Variants in CPXM2 observed in about 807,000 individuals in gnomAD.
CPXM2 encodes inactive carboxypeptidase-like protein X2.
In CPXM2, 66 loss-of-function variants were observed where a neutral mutation model predicts 86.1. That is an observed-to-expected ratio of 0.77 (90% CI 0.63 to 0.94). The LOEUF (loss-of-function observed/expected upper bound fraction) is 0.94. Among genes scored for constraint, CPXM2 ranks in the 40% least tolerant of loss-of-function variants. The pLI, the probability that CPXM2 is intolerant of heterozygous loss-of-function variation, is 0.00. For synonymous variants in CPXM2, 388 were observed against 400.2 expected (o/e 0.97, Z 0.36); for missense variants, 948 against 1,026.3 (o/e 0.92, Z 1.04).
intron 13 of CPXM2, among the ~76,000 whole-genome samples, chr10:123,749,709 A>G (rs1846033576): frequency 6.6e-6 from 1 of 152,110 alleles, no homozygotes; most frequent in South Asian, 2.1e-4. Context: ...TACTGTTCCC[A>G]CTGCTGTTCC....
intron 10 of CPXM2, among the ~76,000 whole-genome samples, chr10:123,765,221 A>T (rs1454956050): frequency 1.3e-5 from 2 of 152,238 alleles, no homozygotes; most frequent in African/African-American, 2.4e-5. Context: ...TAGAATTCTT[A>T]TACGTCCCTT....
chr10:123,894,713 T>C (rs1945320822), upstream of CPXM2, among the ~76,000 whole-genome samples: 1 of 152,192 alleles, frequency 6.6e-6, no homozygotes, highest in African/African-American at 2.4e-5. Flanking sequence ...TCCCTGGTCA[T>C]CTTGGCCCCA....
upstream of CPXM2, among the ~76,000 whole-genome samples, chr10:123,942,402 A>C (rs183952163): frequency 6.6e-6 from 1 of 152,324 alleles, no homozygotes; most frequent in Non-Finnish European, 1.5e-5. Context: ...AGACCCCGCT[A>C]ATGAAAACAG....
chr10:123,797,176 A>C (rs542215806), intron 6 of CPXM2, among the ~76,000 whole-genome samples: 1 of 152,264 alleles, frequency 6.6e-6, no homozygotes, highest in Non-Finnish European at 1.5e-5. Context: ...CAAGTGGAAT[A>C]CTACCTGAGT....
At chr10:123,830,747 CT>C (rs1416448093) in intron 4 of CPXM2, among the ~76,000 whole-genome samples, 1 of 150,444 alleles carries the variant, frequency 6.6e-6, no homozygotes, top group African/African-American at 2.5e-5. Context: ...CTGGGCTTGC[CT>C]TTTGCAGCTG....
intron 4 of CPXM2, among the ~76,000 whole-genome samples, chr10:123,800,107 T>A (rs1232162612): frequency 6.8e-6 from 1 of 147,692 alleles, no homozygotes; most frequent in East Asian, 2.1e-4. Flanking sequence ...CTGCTTGCCC[T>A]CAGGATTCAG....
At chr10:123,780,474 G>A (rs1564765576) in intron 6 of CPXM2, among the ~76,000 whole-genome samples, 1 of 152,156 alleles carries the variant, frequency 6.6e-6, no homozygotes, top group African/African-American at 2.4e-5. Context: ...TCAAATCTCC[G>A]CTCTTCTACT....
At chr10:123,765,894 T>A (rs1304095821) in intron 10 of CPXM2, among the ~76,000 whole-genome samples, 1 of 152,180 alleles carries the variant, frequency 6.6e-6, no homozygotes, top group East Asian at 1.9e-4. Flanking sequence ...CTCCCTTGAA[T>A]CCCCAGTAGA....
Position 123,754,956 on chromosome 10 carries a change from G to C in CPXM2, c.1918-194C>G, listed in dbSNP as rs1472208363. On this transcript the variant is annotated intron_variant, in intron 12 of 13. Coordinates refer to ENST00000241305, the MANE Select transcript of CPXM2 (RefSeq NM_198148.3). This position sits in a 1 kb window ranked among gnomAD's most constrained non-coding sequence, Gnocchi z 4.0. ...GCATTGTTGGGTTCAATTAACAAGG[G>C]CGAGGTCTTAATGTAAGAAAAGTGA... 6.6e-6 allele frequency among the ~76,000 whole-genome samples: 1 copy of C among 152,200 alleles called. No homozygotes were observed. Among genetic ancestry groups the C allele is most frequent in the African/African-American group, 2.4e-5 (1 of 41,446 alleles).
chr10:123,893,607 G>A (rs1373456103), upstream of CPXM2, among the ~76,000 whole-genome samples: 2 of 152,258 alleles, frequency 1.3e-5, no homozygotes, highest in East Asian at 3.9e-4. Context: ...CAGGGTGAGA[G>A]GGCAGGAGGG....
intron 2 of CPXM2, 66 bp downstream of exon 2, chr10:123,880,145 T>TGGGCCCCCCCCCCCCC: frequency 7.4e-6 from 3 of 407,574 alleles, no homozygotes; most frequent in Non-Finnish European, 1.4e-5. Flanking sequence ...CAGGGGCCTG[T>TGGGCCCCCCCCCCCCC]ACCCACCCAC....
intron 3 of CPXM2, among the ~76,000 whole-genome samples, chr10:123,856,485 G>T (rs968248391): frequency 2.6e-5 from 4 of 152,186 alleles, no homozygotes; most frequent in African/African-American, 9.7e-5. Flanking sequence ...TTTGGGGTGG[G>T]GCAGGTGATG....
At position 123,854,179 on chromosome 10, in the gene CPXM2, C is replaced by T. The variant is rs75244023; in HGVS notation, c.513+8435G>A. On this transcript the variant is annotated intron_variant, in intron 3 of 13. Transcript: ENST00000241305. The stretch of plus-strand genomic sequence containing the variant: ...GAAGCAGCTCTGACTGCTGAACGCA[C>T]ACACAGGCTCCGGGGGTGACTACTG... 4.1e-3 allele frequency among the ~76,000 whole-genome samples: 612 copies of T among 150,496 alleles called. 2 individuals carry two copies. The highest frequency in any genetic ancestry group is 0.014 in the African/African-American group (585 of 40,820).
At chr10:123,788,078 A>G (rs1847110167) in intron 6 of CPXM2, among the ~76,000 whole-genome samples, 1 of 151,714 alleles carries the variant, frequency 6.6e-6, no homozygotes, top group Non-Finnish European at 1.5e-5. Flanking sequence ...TAAGGAGTTC[A>G]AGACCAGCCT....
chr10:123,942,112 C>G (rs1481570821), upstream of CPXM2, among the ~76,000 whole-genome samples: 2 of 152,188 alleles, frequency 1.3e-5, no homozygotes, highest in Non-Finnish European at 2.9e-5. Context: ...GCAAATGGCT[C>G]TAGTCCACAG....
chr10:123,836,782 G>C (rs1251656756), intron 4 of CPXM2, among the ~76,000 whole-genome samples: 1 of 152,186 alleles, frequency 6.6e-6, no homozygotes, highest in Non-Finnish European at 1.5e-5. Flanking sequence ...CAGGGTATAG[G>C]AGAACTTCCT....
chr10:123,841,707 A>G (rs1471697231), intron 4 of CPXM2, among the ~76,000 whole-genome samples: 2 of 152,230 alleles, frequency 1.3e-5, no homozygotes, highest in East Asian at 3.8e-4. Context: ...AGGCTGAATA[A>G]TATGTTTCAC....
At chr10:123,760,546 G>A (rs3808966) in intron 11 of CPXM2, among the ~76,000 whole-genome samples, 8,771 of 152,216 alleles carry the variant, frequency 0.058, 267 homozygotes, top group South Asian at 0.11. Flanking sequence ...TACTTCAAAA[G>A]TATGTGAAGG....
intron 2 of CPXM2, among the ~76,000 whole-genome samples, chr10:123,897,985 A>G (rs1293579865): frequency 6.6e-6 from 1 of 151,816 alleles, no homozygotes; most frequent in Non-Finnish European, 1.5e-5. Context: ...TGGTCCACAC[A>G]CTCTATGAGG....
Sources: gnomAD v4.1 joint callset for allele counts (sites outside exome capture counted in the v4.1 genomes callset) on GRCh38, gnomAD v4.1.1 for gene constraint, Gnocchi (gnomAD v3.1) non-coding constraint, MANE v1.5 for transcripts, NCBI Gene and HGNC (gene_info 2026-07-23, HGNC 2026-07-21) for gene names.